Variants in SIRT5 observed in about 807,000 individuals in gnomAD.
The protein encoded by SIRT5 is sirtuin 5, also known as NAD-dependent protein deacylase sirtuin-5, mitochondrial.
Under a neutral mutation model 40.0 loss-of-function variants are expected in SIRT5, and 26 were observed. That is an observed-to-expected ratio of 0.65 (90% CI 0.48 to 0.90). The LOEUF (loss-of-function observed/expected upper bound fraction) is 0.90. SIRT5 is among the 40% of genes least tolerant of loss of function. SIRT5 has a pLI of 0.00. For missense variants in SIRT5, 401 were observed against 402.4 expected, an observed-to-expected ratio of 1.00 and a Z score of 0.03; for synonymous variants, 146 against 149.1, an observed-to-expected ratio of 0.98 and a Z score of 0.15.
chr6:13,591,254 C>T (rs1238848201), intron 4 of SIRT5, among the ~76,000 whole-genome samples: 2 of 152,158 alleles, frequency 1.3e-5, no homozygotes, highest in Non-Finnish European at 2.9e-5. Context: ...GCTCAATGGG[C>T]ATTTTGCATT....
intron 3 of SIRT5, among the ~76,000 whole-genome samples, chr6:13,586,691 T>C (rs530084065): frequency 6.6e-6 from 1 of 151,842 alleles, no homozygotes; most frequent in East Asian, 1.9e-4. Flanking sequence ...TTACCAGGAG[T>C]CCATGGTAGG....
chr6:13,595,932 C>T (rs1401587530), intron 6 of SIRT5, among the ~76,000 whole-genome samples: 4 of 152,166 alleles, frequency 2.6e-5, no homozygotes, highest in African/African-American at 9.7e-5. Flanking sequence ...GTCAAGGCTG[C>T]AGTGAGCTGA....
chr6:13,592,037 A>G lies in SIRT5; in HGVS notation c.475+143A>G, dbSNP rs962985174. On this transcript the variant is annotated intron_variant, in intron 5 of 9. Transcript: ENST00000606117. ...GGATGCTGTGGCATTTCCTTTGGGG[A>G]CATGTTAGTGTCCCGTGGCACCTGG... is the stretch of plus-strand genomic sequence containing the variant. 4 of 835,522 alleles carry G rather than the reference A, an allele frequency of 4.8e-6. No individual in the cohort carries two copies. The Admixed American group carries it at 8.4e-5, about 17-fold the overall frequency. The allele number at this position is 835,522 out of a possible 1,614,324, so 51.8% of individuals were successfully genotyped here.
intron 1 of SIRT5, among the ~76,000 whole-genome samples, chr6:13,578,383 G>A (rs1758887206): frequency 6.6e-6 from 1 of 151,956 alleles, no homozygotes; most frequent in South Asian, 2.1e-4. Context: ...GGTATTGGGA[G>A]GCCGAGGCAG....
Position 13,599,130 on chromosome 6 carries a change from T to G in SIRT5, c.716T>G (p.Leu239Arg). 3 of 1,613,986 alleles carry G rather than the reference T, an allele frequency of 1.9e-6. No homozygotes were observed. The highest frequency in any genetic ancestry group is 2.5e-6 in the Non-Finnish European group (3 of 1,179,944). Reference sequence around the variant, plus strand: ...ATTCTGGAGGAGGTTGACAGAGAGCTCGCCCACTGTGATTTATGTCTAGTG... The same window carrying G: ...ATTCTGGAGGAGGTTGACAGAGAGCGCGCCCACTGTGATTTATGTCTAGTG... ...PAILEEVDRE[L>R]AHCDLCLVVG... Residue 239 changes from leucine (L) to arginine (R), a missense_variant, in exon 8 of 10, where the codon CTC becomes CGC. Transcript: ENST00000606117.
At chr6:13,576,739 G>A (rs1367904181) in intron 1 of SIRT5, among the ~76,000 whole-genome samples, 2 of 152,014 alleles carry the variant, frequency 1.3e-5, no homozygotes, top group African/African-American at 4.8e-5. Flanking sequence ...AGACTAATAT[G>A]GAGTTTTCAC....
intron 1 of SIRT5, among the ~76,000 whole-genome samples, chr6:13,576,149 C>CA (rs1758606164): frequency 6.6e-6 from 1 of 152,182 alleles, no homozygotes; most frequent in Admixed American, 6.5e-5. Context: ...ATACTGATTT[C>CA]AATTCCTTTG....
At chr6:13,583,620 T>C (rs1315405417) in intron 2 of SIRT5, among the ~76,000 whole-genome samples, 1 of 152,212 alleles carries the variant, frequency 6.6e-6, no homozygotes, top group African/African-American at 2.4e-5. Context: ...GCAGCAAGTT[T>C]TCAAATGAAT....
chr6:13,605,418 T>A (rs202209330), intron 9 of SIRT5: 20 of 984,876 alleles, frequency 2.0e-5, no homozygotes, highest in Non-Finnish European at 2.3e-5. Flanking sequence ...AAAAAAAAAA[T>A]GGAATAATGT....
At chr6:13,603,276 CAAAAAAAA>C (rs36093293) in intron 9 of SIRT5, among the ~76,000 whole-genome samples, 1 of 49,292 alleles carries the variant, frequency 2.0e-5, no homozygotes, top group South Asian at 6.8e-4. Context: ...GACTCCGTCT[CAAAAAAAA>C]AAAAAAAAAA....
chr6:13,589,442 A>G (rs532467653), intron 4 of SIRT5: 2 of 152,266 alleles, frequency 1.3e-5, no homozygotes, highest in East Asian at 3.9e-4. Context: ...TGTTTGTTTT[A>G]TTCGTTGCAT....
At chr6:13,589,653 C>T (rs1305059059) in intron 4 of SIRT5, 1 of 152,352 alleles carries the variant, frequency 6.6e-6, no homozygotes, top group African/African-American at 2.4e-5. Context: ...TGTTTTGCCT[C>T]CTGCCTGCTG....
chr6:13,600,818 T>C lies in SIRT5; in HGVS notation c.742-16T>C. 6.3e-7 allele frequency: 1 copy of C among 1,591,318 alleles called. No individual in the cohort carries two copies. Among genetic ancestry groups the C allele is most frequent in the Non-Finnish European group, 8.6e-7 (1 of 1,162,052 alleles). The stretch of plus-strand genomic sequence containing the variant: ...TCGTCTGGCTGTTTGTTCATCTCCG[T>C]GTACTTGCCTTGTAGGTGGGCACTT... On this transcript the variant is annotated splice_polypyrimidine_tract_variant and intron_variant, in intron 8 of 9. Coordinates refer to ENST00000606117, the MANE Select transcript of SIRT5 (RefSeq NM_012241.5).
chr6:13,575,906 G>A (rs776389964), intron 1 of SIRT5, among the ~76,000 whole-genome samples: 3 of 152,278 alleles, frequency 2.0e-5, no homozygotes, highest in Non-Finnish European at 4.4e-5. Flanking sequence ...ATCATGTGCT[G>A]TTTGTCCTTC....
rs1238743601 is a variant in SIRT5, at chr6:13,613,527, C to G, written c.*1662C>G. 1 of 152,220 alleles carries G rather than the reference C, an allele frequency of 6.6e-6. No individual in the cohort carries two copies. The highest frequency in any genetic ancestry group is 1.5e-5 in the Non-Finnish European group (1 of 68,052). 9.4% of individuals were successfully genotyped at this position (152,220 alleles called of 1,614,324 possible). Reference sequence around the variant, plus strand: ...TGCAAAATTGCATTTAATGTTACACCCTTGGCTTTTGTAGAAACAGGCAAC... The same window carrying G: ...TGCAAAATTGCATTTAATGTTACACGCTTGGCTTTTGTAGAAACAGGCAAC... On this transcript the variant is annotated 3_prime_UTR_variant, in exon 10 of 10. Coordinates refer to ENST00000606117, the MANE Select transcript of SIRT5 (RefSeq NM_012241.5).
intron 3 of SIRT5, among the ~76,000 whole-genome samples, chr6:13,587,303 T>C (rs1760207761): frequency 6.6e-6 from 1 of 152,106 alleles, no homozygotes; most frequent in Non-Finnish European, 1.5e-5. Flanking sequence ...AATTCTGGCT[T>C]TCCAGGGCCA....
intron 9 of SIRT5, among the ~76,000 whole-genome samples, chr6:13,611,416 A>G (rs1317755931): frequency 2.6e-5 from 4 of 151,888 alleles, no homozygotes; most frequent in Non-Finnish European, 4.4e-5. Flanking sequence ...TACAATTTCA[A>G]TGAGTTTGGC....
intron 4 of SIRT5, among the ~76,000 whole-genome samples, chr6:13,591,376 C>T (rs1760879572): frequency 6.6e-6 from 1 of 152,230 alleles, no homozygotes; most frequent in South Asian, 2.1e-4. Context: ...TTTACTTCAT[C>T]TTCACTACTT....
At chr6:13,604,926 C>A in intron 9 of SIRT5, 1 of 995,878 alleles carries the variant, frequency 1.0e-6, no homozygotes, top group Non-Finnish European at 1.2e-6. Flanking sequence ...AGACTGACCA[C>A]AAGAACTGTC....
Sources: gnomAD v4.1 joint callset for allele counts (sites outside exome capture counted in the v4.1 genomes callset) on GRCh38, gnomAD v4.1.1 for gene constraint, MANE v1.5 for transcripts, NCBI Gene and HGNC (gene_info 2026-07-23, HGNC 2026-07-21) for gene names.